The following CCSER2 variants were observed in gnomAD, a reference collection of about 807,000 sequenced individuals.
The protein encoded by CCSER2 is serine-rich coiled-coil domain-containing protein 2.
Under a neutral mutation model 92.3 loss-of-function variants are expected in CCSER2, and 46 were observed. The observed-to-expected ratio is 0.50, with a 90% CI of 0.39 to 0.64. The LOEUF (loss-of-function observed/expected upper bound fraction) is 0.64. CCSER2 is among the 30% of genes least tolerant of loss of function. CCSER2 has a pLI of 0.00. For missense variants in CCSER2, 1,244 were observed against 1,238.9 expected (o/e 1.00, Z -0.06); for synonymous variants, 433 against 431.4 (o/e 1.00, Z -0.04).
intron 3 of CCSER2, among the ~76,000 whole-genome samples, chr10:84,408,717 A>C (rs1842493889): frequency 6.6e-6 from 1 of 152,192 alleles, no homozygotes; most frequent in African/African-American, 2.4e-5. Flanking sequence ...AGTGCTGCTC[A>C]GCAGGCCCTG....
At position 84,438,584 on chromosome 10, in the gene CCSER2, G is replaced by A; in HGVS notation, c.1941G>A (p.Gln647=). 2 of 1,613,708 alleles carry A rather than the reference G, an allele frequency of 1.2e-6. No individual in the cohort carries two copies. The highest frequency in any genetic ancestry group is 1.7e-6 in the Non-Finnish European group (2 of 1,179,650). Residue 647 remains glutamine (Q), a synonymous_variant, in exon 6 of 10, where the codon CAG becomes CAA. Transcript: ENST00000372088. The stretch of plus-strand genomic sequence containing the variant: ...GAGGGATGCCCTTTTTCCAGGCTCA[G>A]AAGATGTTTGTTGATGTACCAGAAA... ...SYGGMPFFQA[Q]KMFVDVPENT... is the part of the protein sequence containing the mutation.
At chr10:84,387,718 C>T (rs868528694) in intron 3 of CCSER2, among the ~76,000 whole-genome samples, 7 of 151,914 alleles carry the variant, frequency 4.6e-5, no homozygotes, top group Middle Eastern at 6.8e-3. Flanking sequence ...TTAGTAGAGA[C>T]GGGGTTTCAC....
At chr10:84,383,164 T>C (rs7082986) in intron 3 of CCSER2, among the ~76,000 whole-genome samples, 32,259 of 144,756 alleles carry the variant, frequency 0.22, 3,649 homozygotes, top group Admixed American at 0.34. Context: ...TCAAACCTGG[T>C]TTATATTTGC....
chr10:84,329,815 C>A (rs944009325), intron 1 of CCSER2, among the ~76,000 whole-genome samples: 1 of 152,208 alleles, frequency 6.6e-6, no homozygotes, highest in Non-Finnish European at 1.5e-5. Context: ...TGCCTGAAAT[C>A]AGTCTTCTTC....
chr10:84,401,861 C>T (rs34695511), intron 3 of CCSER2, among the ~76,000 whole-genome samples: 8,867 of 152,276 alleles, frequency 0.058, 371 homozygotes, highest in Admixed American at 0.1. Flanking sequence ...AGGCCATAGT[C>T]ACCCTTGACA....
chr10:84,433,737 G>A (rs1286397059), intron 5 of CCSER2, among the ~76,000 whole-genome samples: 1 of 152,104 alleles, frequency 6.6e-6, no homozygotes, highest in African/African-American at 2.4e-5. Context: ...GGTAAAGACG[G>A]TTATCTCTTC....
In CCSER2 at chr10:84,484,467, C is replaced by T. The variant is rs114323002; in HGVS notation, c.2325+6803C>T. On this transcript the variant is annotated intron_variant, in intron 9 of 9. Coordinates refer to ENST00000372088, the MANE Select transcript of CCSER2 (RefSeq NM_001284240.2). ...GAGCCCATTTATTTCTCTGGAGAGA[C>T]GTTGCATGCATGTGTGCATGCACGT... 6.3e-3 allele frequency among the ~76,000 whole-genome samples: 939 copies of T among 148,228 alleles called. 12 individuals are homozygous for T. The highest frequency in any genetic ancestry group is 0.023 in the African/African-American group (907 of 39,264).
At chr10:84,334,327 A>T (rs1024435019) in intron 1 of CCSER2, among the ~76,000 whole-genome samples, 2 of 151,980 alleles carry the variant, frequency 1.3e-5, no homozygotes, top group Non-Finnish European at 2.9e-5. Flanking sequence ...ACAGGTGCTG[A>T]TGCTGGGGTG....
chr10:84,514,963 A>G lies in CCSER2; in HGVS notation c.*696A>G, dbSNP rs185314032. On this transcript the variant is annotated 3_prime_UTR_variant, in exon 10 of 10. Coordinates refer to ENST00000372088, the MANE Select transcript of CCSER2 (RefSeq NM_001284240.2). ...CATCTTGTTTTACAAACACATGTGC[A>G]TGCACACACACATATACACACACAT... The G allele has an allele frequency of 9.2e-5, 14 of 152,810 alleles. No homozygotes were observed. Among genetic ancestry groups the G allele is most frequent in the African/African-American group, 3.4e-4 (14 of 41,594 alleles). The allele number at this position is 152,810 out of a possible 1,614,324, so 9.5% of individuals were successfully genotyped here.
At chr10:84,429,305 GTTGC>G (rs1843629801) in intron 5 of CCSER2, among the ~76,000 whole-genome samples, 1 of 151,944 alleles carries the variant, frequency 6.6e-6, no homozygotes, top group South Asian at 2.1e-4. Context: ...GGTTTATAAT[GTTGC>G]TTAAATCTTC....
intron 1 of CCSER2, among the ~76,000 whole-genome samples, chr10:84,340,720 C>G (rs556544062): frequency 2.3e-4 from 35 of 152,014 alleles, no homozygotes; most frequent in South Asian, 1.0e-3. Context: ...CTTGATCCCC[C>G]TCTTGGCTTC....
rs201483257 is a variant in CCSER2 at position 84,330,182 on chromosome 10, T to G, written c.-40+1374T>G. The stretch of plus-strand genomic sequence containing the variant: ...CAAGTCCTTCAGTGACTCTCCATAG[T>G]CTATATCGATAAAATTCAAAGTCCT... On this transcript the variant is annotated intron_variant, in intron 1 of 9. Coordinates refer to ENST00000372088, the MANE Select transcript of CCSER2 (RefSeq NM_001284240.2). 9.2e-5 allele frequency among the ~76,000 whole-genome samples: 14 copies of G among 152,382 alleles called. No individual in the cohort carries two copies. The East Asian group carries it at 2.7e-3, about 29-fold the overall frequency.
intron 1 of CCSER2, among the ~76,000 whole-genome samples, chr10:84,329,585 TGAA>T (rs530096638): frequency 8.4e-4 from 128 of 152,338 alleles, no homozygotes; most frequent in African/African-American, 3.0e-3. Context: ...AATAGCCATA[TGAA>T]AAGCATTCCT....
intron 3 of CCSER2, among the ~76,000 whole-genome samples, chr10:84,388,196 C>T (rs1841331269): frequency 6.6e-6 from 1 of 152,114 alleles, no homozygotes; most frequent in Non-Finnish European, 1.5e-5. Flanking sequence ...TGTTTATGCC[C>T]CTTTAACTCA....
At chr10:84,434,626 C>G (rs1889876) in intron 5 of CCSER2, among the ~76,000 whole-genome samples, 129,273 of 152,190 alleles carry the variant, frequency 0.85, 55,028 homozygotes, top group East Asian at 0.9. Flanking sequence ...ACTTCTATTT[C>G]AAGAAATGTT....
chr10:84,347,037 C>A (rs1564583998), intron 1 of CCSER2, among the ~76,000 whole-genome samples: 1 of 152,084 alleles, frequency 6.6e-6, no homozygotes, highest in Non-Finnish European at 1.5e-5. Flanking sequence ...TCTTGCACCG[C>A]CCTTAATCCA....
chr10:84,460,862 C>CT (rs1350723237), intron 6 of CCSER2, among the ~76,000 whole-genome samples: 1 of 152,000 alleles, frequency 6.6e-6, no homozygotes, highest in Non-Finnish European at 1.5e-5. Flanking sequence ...TTTGTGCTTT[C>CT]TTTTTTGCAT....
intron 1 of CCSER2, among the ~76,000 whole-genome samples, chr10:84,339,266 A>G (rs1467020183): frequency 2.0e-5 from 3 of 151,868 alleles, no homozygotes; most frequent in African/African-American, 4.8e-5. Flanking sequence ...GGCCTCCCAA[A>G]GTGCTGGAAT....
At chr10:84,450,326 A>G (rs931699632) in intron 6 of CCSER2, among the ~76,000 whole-genome samples, 1 of 152,242 alleles carries the variant, frequency 6.6e-6, no homozygotes, top group Non-Finnish European at 1.5e-5. Context: ...AACTATCAAA[A>G]GGACATCACA....
Sources: gnomAD v4.1 joint callset for allele counts (sites outside exome capture counted in the v4.1 genomes callset) on GRCh38, gnomAD v4.1.1 for gene constraint, MANE v1.5 for transcripts, NCBI Gene and HGNC (gene_info 2026-07-23, HGNC 2026-07-21) for gene names.